The following RIMS2 variants were observed in gnomAD, a reference collection of about 807,000 sequenced individuals.
RIMS2 encodes the protein regulating synaptic membrane exocytosis 2.
Under a neutral mutation model 174.4 loss-of-function variants are expected in RIMS2, and 59 were observed. The observed-to-expected ratio is 0.34, with a 90% CI of 0.27 to 0.42. RIMS2 has a LOEUF of 0.42. RIMS2 is among the 10% of genes least tolerant of loss of function. The probability of loss-of-function intolerance (pLI) is 1.00; values close to 1 mark genes in which losing one functional copy is unlikely to be tolerated. For missense variants in RIMS2, 1,620 were observed against 1,666.3 expected, an observed-to-expected ratio of 0.97 and a Z score of 0.48; for synonymous variants, 606 against 572.5, an observed-to-expected ratio of 1.06 and a Z score of -0.84.
At chr8:103,830,439 T>A (rs2098818579) in intron 3 of RIMS2, among the ~76,000 whole-genome samples, 1 of 152,186 alleles carries the variant, frequency 6.6e-6, no homozygotes, top group South Asian at 2.1e-4. Flanking sequence ...ATCTTATTAT[T>A]TTTTATGATG....
chr8:103,919,869 A>G (rs2077271066), intron 9 of RIMS2, among the ~76,000 whole-genome samples: 1 of 152,036 alleles, frequency 6.6e-6, no homozygotes, highest in Admixed American at 6.6e-5. Context: ...AACATAAATA[A>G]TAAAATTATA....
intron 16 of RIMS2, among the ~76,000 whole-genome samples, chr8:103,982,889 A>C (rs2094031977): frequency 6.6e-6 from 1 of 152,218 alleles, no homozygotes; most frequent in Non-Finnish European, 1.5e-5. Flanking sequence ...TAGTACTGGA[A>C]GTCCTAACTA....
intron 1 of RIMS2, among the ~76,000 whole-genome samples, chr8:103,597,228 TGA>T (rs1166308769): frequency 6.6e-6 from 1 of 152,164 alleles, no homozygotes; most frequent in African/African-American, 2.4e-5. Context: ...TTAACTATAG[TGA>T]GTTTTAGCTG....
intron 1 of RIMS2, among the ~76,000 whole-genome samples, chr8:103,650,919 C>T (rs535313095): frequency 6.6e-6 from 1 of 152,156 alleles, no homozygotes; most frequent in African/African-American, 2.4e-5. Flanking sequence ...GTAAGTGGGG[C>T]CCACAGAATG....
At chr8:103,597,406 A>G (rs1055874872) in intron 1 of RIMS2, among the ~76,000 whole-genome samples, 2 of 152,050 alleles carry the variant, frequency 1.3e-5, no homozygotes, top group African/African-American at 4.8e-5. Flanking sequence ...GTCCCTGTTT[A>G]TGCATACCCT....
intron 3 of RIMS2, among the ~76,000 whole-genome samples, chr8:103,788,543 G>A (rs1254878001): frequency 6.6e-6 from 1 of 151,628 alleles, no homozygotes; most frequent in African/African-American, 2.4e-5. Flanking sequence ...TGAGGTGTCA[G>A]TGTGCCCCTG....
chr8:104,195,172 G>A lies in RIMS2; in HGVS notation c.3335-49744G>A, dbSNP rs114624850. Among the ~76,000 whole-genome samples, 190 of 152,226 alleles carry A rather than the reference G, an allele frequency of 1.2e-3. 1 individual carries two copies. The highest frequency in any genetic ancestry group is 4.3e-3 in the African/African-American group (180 of 41,516). ...TGATAATAGAAATTAGAGATTATGAGGCCCTGAATTAGGGATTAAGAAGAA... is the reference window on the plus strand; with the variant it reads ...TGATAATAGAAATTAGAGATTATGAAGCCCTGAATTAGGGATTAAGAAGAA... On this transcript the variant is annotated intron_variant, in intron 19 of 23. Coordinates refer to ENST00000504942, the Ensembl canonical transcript of RIMS2.
chr8:104,040,367 C>G (rs2096588204), intron 19 of RIMS2, among the ~76,000 whole-genome samples: 1 of 151,590 alleles, frequency 6.6e-6, no homozygotes. Flanking sequence ...GTCAATCATA[C>G]TAGTACACTA....
Position 104,056,826 on chromosome 8 carries a change from A to G in RIMS2, c.3334+42211A>G, listed in dbSNP as rs190913176. On this transcript the variant is annotated intron_variant, in intron 19 of 23. Transcript: ENST00000504942. The stretch of plus-strand genomic sequence containing the variant: ...CTTAAGCCTGAGAGGTAAAAACTCT[A>G]TAATGAGCTATGATGGAGCCACTGC... Among the ~76,000 whole-genome samples, 3 of 152,294 alleles carry G rather than the reference A, an allele frequency of 2.0e-5. No individual in the cohort carries two copies. The East Asian group carries it at 5.8e-4, about 29-fold the overall frequency.
At chr8:103,617,572 A>G (rs1460575334) in intron 1 of RIMS2, among the ~76,000 whole-genome samples, 3 of 152,212 alleles carry the variant, frequency 2.0e-5, no homozygotes, top group Non-Finnish European at 4.4e-5. Context: ...GTAAACAGAC[A>G]GCCTATAGAA....
chr8:104,111,353 G>A (rs962293882), intron 19 of RIMS2, among the ~76,000 whole-genome samples: 5 of 152,244 alleles, frequency 3.3e-5, no homozygotes, highest in Non-Finnish European at 7.4e-5. Flanking sequence ...TTCAAACAAA[G>A]CAGTTAAGCC....
chr8:103,641,369 T>A (rs1264468547), intron 1 of RIMS2, among the ~76,000 whole-genome samples: 1 of 152,188 alleles, frequency 6.6e-6, no homozygotes, highest in Non-Finnish European at 1.5e-5. Flanking sequence ...GTCTTTTCTT[T>A]ATGTGAGAAA....
At chr8:103,912,959 CT>C (rs763813911) in intron 6 of RIMS2, among the ~76,000 whole-genome samples, 4 of 135,704 alleles carry the variant, frequency 2.9e-5, no homozygotes, top group Non-Finnish European at 6.4e-5. Flanking sequence ...CTCTAGCAAA[CT>C]TTTTTTGTTG....
At chr8:103,830,533 G>A (rs2098819257) in intron 3 of RIMS2, among the ~76,000 whole-genome samples, 1 of 152,108 alleles carries the variant, frequency 6.6e-6, no homozygotes, top group African/African-American at 2.4e-5. Context: ...CCCACTGTGA[G>A]GACTATCTTG....
chr8:103,776,572 T>C (rs2098319764), intron 3 of RIMS2, among the ~76,000 whole-genome samples: 1 of 152,130 alleles, frequency 6.6e-6, no homozygotes, highest in South Asian at 2.1e-4. Context: ...ATTTGGTAAT[T>C]TTAAAAATTT....
chr8:104,062,863 TAA>T (rs1352021566), intron 19 of RIMS2, among the ~76,000 whole-genome samples: 1 of 152,130 alleles, frequency 6.6e-6, no homozygotes, highest in Non-Finnish European at 1.5e-5. Context: ...TAAAATGTAA[TAA>T]GATAGTTATC....
At chr8:103,862,376 T>C (rs953490116) in intron 3 of RIMS2, among the ~76,000 whole-genome samples, 13 of 152,138 alleles carry the variant, frequency 8.5e-5, no homozygotes, top group Admixed American at 8.5e-4. Context: ...TTATTTACCC[T>C]ATTCTTGTAG....
intron 14 of RIMS2, among the ~76,000 whole-genome samples, chr8:103,953,400 A>C (rs912258393): frequency 2.0e-5 from 3 of 152,174 alleles, no homozygotes; most frequent in Admixed American, 2.0e-4. Flanking sequence ...AACAGTGGCT[A>C]TCTCGGCAGA....
chr8:103,578,083 C>T (rs774171165), intron 1 of RIMS2, among the ~76,000 whole-genome samples: 1 of 152,092 alleles, frequency 6.6e-6, no homozygotes, highest in African/African-American at 2.4e-5. Flanking sequence ...CAAAACTTAC[C>T]TAACCTTGGA....
Sources: allele counts gnomAD v4.1 joint callset (sites outside exome capture counted in the v4.1 genomes callset), GRCh38; gene constraint gnomAD v4.1.1; transcripts MANE v1.5; gene names NCBI Gene and HGNC (gene_info 2026-07-23, HGNC 2026-07-21).